RALGPS2: variants seen among roughly 807,000 people sequenced by gnomAD.
RALGPS2 encodes the protein ras-specific guanine nucleotide-releasing factor RalGPS2.
In RALGPS2, 43 loss-of-function variants were observed where a neutral mutation model predicts 86.8. The observed-to-expected ratio is 0.50, with a 90% CI of 0.39 to 0.64. The LOEUF (loss-of-function observed/expected upper bound fraction) is 0.64, where lower values mean the gene tolerates loss of function less well. Among genes scored for constraint, RALGPS2 ranks in the 30% least tolerant of loss-of-function variants. The probability of loss-of-function intolerance (pLI) is 0.00; values close to 1 mark genes in which losing one functional copy is unlikely to be tolerated. For synonymous variants in RALGPS2, 243 were observed against 231.3 expected, an observed-to-expected ratio of 1.05 and a Z score of -0.46; for missense variants, 536 against 694.6, an observed-to-expected ratio of 0.77 and a Z score of 2.57.
At chr1:178,765,861 C>A (rs1301749817) in intron 1 of RALGPS2, among the ~76,000 whole-genome samples, 1 of 152,236 alleles carries the variant, frequency 6.6e-6, no homozygotes, top group African/African-American at 2.4e-5. Context: ...AGGCTCTGTT[C>A]TGCCCGGCCC....
intron 1 of RALGPS2, chr1:178,746,557 A>C: frequency 1.6e-6 from 1 of 629,056 alleles, no homozygotes. Context: ...TTTGTAAACA[A>C]ACAACTGTGA....
intron 8 of RALGPS2, chr1:178,865,331 A>G (rs760227251): frequency 4.0e-5 from 65 of 1,613,956 alleles, no homozygotes; most frequent in Admixed American, 1.2e-4. Flanking sequence ...GGAAAGTTCA[A>G]GTGAATTATC....
chr1:178,895,446 G>A (rs938101103), intron 16 of RALGPS2, among the ~76,000 whole-genome samples: 6 of 152,086 alleles, frequency 3.9e-5, no homozygotes, highest in African/African-American at 7.2e-5. Flanking sequence ...TTACATTTCA[G>A]TGAGGAGAAA....
rs978235060 is a variant in RALGPS2 at position 178,917,937 on chromosome 1, CT to C, written c.*1584del. 1.3e-5 allele frequency: 2 copies of C among 152,170 alleles called. No homozygotes were observed. Among genetic ancestry groups the C allele is most frequent in the African/African-American group, 4.8e-5 (2 of 41,540 alleles). 9.4% of individuals were successfully genotyped at this position (152,170 alleles called of 1,614,324 possible). On this transcript the variant is annotated 3_prime_UTR_variant, in exon 20 of 20. Transcript: ENST00000367635. Reference sequence around the variant, plus strand: ...ATTCGTATTCTTAGAGAATTTTATACTTTTTTATTATAAGTATTTTGCCCTT... The same window carrying C: ...ATTCGTATTCTTAGAGAATTTTATACTTTTTATTATAAGTATTTTGCCCTT...
At chr1:178,829,217 A>T (rs2102240661) in intron 7 of RALGPS2, among the ~76,000 whole-genome samples, 1 of 152,338 alleles carries the variant, frequency 6.6e-6, no homozygotes, top group East Asian at 1.9e-4. Context: ...AACTCATAGA[A>T]GCAAAAAGTA....
At chr1:178,753,463 A>G (rs1315824791) in intron 1 of RALGPS2, among the ~76,000 whole-genome samples, 1 of 152,148 alleles carries the variant, frequency 6.6e-6, no homozygotes, top group East Asian at 1.9e-4. Flanking sequence ...CATCTGTATT[A>G]TTAGCATGAG....
Position 178,743,567 on chromosome 1 carries a change from T to C in RALGPS2, c.-84+18148T>C, listed in dbSNP as rs1298574949. Among the ~76,000 whole-genome samples the C allele has an allele frequency of 2.6e-5, 4 of 152,326 alleles. No homozygotes were observed. The South Asian group carries it at 6.2e-4, about 24-fold the overall frequency. On this transcript the variant is annotated intron_variant, in intron 1 of 19. Transcript: ENST00000367635. Reference sequence around the variant, plus strand: ...AAAATTGATTTTATTGATGTTGCCATGGAACTAATTTAAGTTAAAAAAATT... The same window carrying C: ...AAAATTGATTTTATTGATGTTGCCACGGAACTAATTTAAGTTAAAAAAATT...
intron 8 of RALGPS2, among the ~76,000 whole-genome samples, chr1:178,863,171 C>G (rs921715798): frequency 1.3e-5 from 2 of 152,080 alleles, no homozygotes; most frequent in East Asian, 3.8e-4. Context: ...AGTTCTGGCT[C>G]TGAATAGAAA....
intron 8 of RALGPS2, among the ~76,000 whole-genome samples, chr1:178,840,920 G>A (rs1053859494): frequency 4.6e-5 from 7 of 152,064 alleles, no homozygotes; most frequent in African/African-American, 1.7e-4. Context: ...TAAATTCCTG[G>A]ACACATACAC....
chr1:178,758,383 C>A (rs1326852388), intron 1 of RALGPS2, among the ~76,000 whole-genome samples: 1 of 152,102 alleles, frequency 6.6e-6, no homozygotes, highest in Non-Finnish European at 1.5e-5. Context: ...AAGCATTTAT[C>A]CTTTGTTACA....
chr1:178,904,155 T>G (rs1660294468), intron 18 of RALGPS2, among the ~76,000 whole-genome samples: 1 of 152,226 alleles, frequency 6.6e-6, no homozygotes, highest in Non-Finnish European at 1.5e-5. Flanking sequence ...TATCTTCTTT[T>G]GAGAATTGTC....
At chr1:178,807,642 A>G (rs1654804205) in intron 4 of RALGPS2, among the ~76,000 whole-genome samples, 2 of 152,110 alleles carry the variant, frequency 1.3e-5, no homozygotes, top group Admixed American at 6.6e-5. Context: ...GGTTTCTTCA[A>G]GTGTTTGGGG....
intron 1 of RALGPS2, chr1:178,747,669 A>G (rs1162978220): frequency 5.9e-6 from 9 of 1,519,662 alleles, no homozygotes; most frequent in African/African-American, 5.5e-5. Context: ...TTTGCAGTTT[A>G]ACACAACTGT....
Position 178,819,053 on chromosome 1 carries a change from A to G in RALGPS2, c.388-2559A>G, listed in dbSNP as rs116334724. ...GCCCAGGCTAGAGTGCAGTGGCTCA[A>G]GCATGGCTCATCACAACCTGTGCCT... On this transcript the variant is annotated intron_variant, in intron 6 of 19. Transcript: ENST00000367635. Among the ~76,000 whole-genome samples the G allele has an allele frequency of 8.4e-3, 1,270 of 151,208 alleles. 12 individuals are homozygous for G. Among genetic ancestry groups the G allele is most frequent in the African/African-American group, 0.029 (1,183 of 41,118 alleles).
At chr1:178,782,263 T>G (rs1389920477) in intron 2 of RALGPS2, among the ~76,000 whole-genome samples, 2 of 152,174 alleles carry the variant, frequency 1.3e-5, no homozygotes, top group Non-Finnish European at 2.9e-5. Context: ...TCTTAGATTC[T>G]TCTCACCCTC....
chr1:178,727,116 C>A (rs960033177), intron 1 of RALGPS2, among the ~76,000 whole-genome samples: 1 of 152,162 alleles, frequency 6.6e-6, no homozygotes, highest in Non-Finnish European at 1.5e-5. Context: ...GGCATTAATG[C>A]CATTTGGGAT....
At chr1:178,763,319 C>T (rs80244403) in intron 1 of RALGPS2, among the ~76,000 whole-genome samples, 5,361 of 152,266 alleles carry the variant, frequency 0.035, 165 homozygotes, top group East Asian at 0.092. Context: ...CTTGCATTCA[C>T]TATTTGGGCT....
intron 8 of RALGPS2, among the ~76,000 whole-genome samples, chr1:178,842,741 G>A (rs1168367745): frequency 6.7e-6 from 1 of 150,000 alleles, no homozygotes; most frequent in Non-Finnish European, 1.5e-5. Flanking sequence ...GAAAATTTTT[G>A]CAACCTACTC....
chr1:178,828,228 C>T (rs1317962279), intron 7 of RALGPS2, among the ~76,000 whole-genome samples: 1 of 152,198 alleles, frequency 6.6e-6, no homozygotes, highest in Non-Finnish European at 1.5e-5. Flanking sequence ...AAAATACAGT[C>T]ATGCATGGCT....
Sources: allele counts gnomAD v4.1 joint callset (sites outside exome capture counted in the v4.1 genomes callset), GRCh38; gene constraint gnomAD v4.1.1; transcripts MANE v1.5; gene names NCBI Gene and HGNC (gene_info 2026-07-23, HGNC 2026-07-21).